The following SESN3 variants were observed in gnomAD, a reference collection of about 807,000 sequenced individuals.
SESN3 encodes the protein sestrin-3.
SESN3 carries 21 observed loss-of-function variants against 55.3 expected under a neutral mutation model. The observed-to-expected ratio is 0.38, with a 90% CI of 0.27 to 0.55. SESN3 has a LOEUF of 0.55. Among genes scored for constraint, SESN3 ranks in the 20% least tolerant of loss-of-function variants. The probability of loss-of-function intolerance (pLI) is 0.76; values close to 1 mark genes in which losing one functional copy is unlikely to be tolerated. For synonymous variants in SESN3, 181 were observed against 203.1 expected, an observed-to-expected ratio of 0.89 and a Z score of 0.93; for missense variants, 408 against 604.3, an observed-to-expected ratio of 0.68 and a Z score of 3.41.
At chr11:95,227,483 C>G (rs557389250) in intron 1 of SESN3, among the ~76,000 whole-genome samples, 1 of 152,106 alleles carries the variant, frequency 6.6e-6, no homozygotes, top group African/African-American at 2.4e-5. Context: ...GGATTACAGG[C>G]GTAAGCCACC....
At chr11:95,226,847 A>G (rs900835383) in intron 1 of SESN3, among the ~76,000 whole-genome samples, 3 of 152,232 alleles carry the variant, frequency 2.0e-5, no homozygotes, top group Non-Finnish European at 4.4e-5. Flanking sequence ...AAATAAGTTA[A>G]AACATACTTA....
chr11:95,174,699 C>G (rs1859922091), intron 9 of SESN3, among the ~76,000 whole-genome samples: 1 of 152,042 alleles, frequency 6.6e-6, no homozygotes, highest in African/African-American at 2.4e-5. Context: ...GTTGGCCTGG[C>G]TAGTTTTGAA....
At chr11:95,199,861 G>C (rs1591063004) in intron 1 of SESN3, among the ~76,000 whole-genome samples, 1 of 151,110 alleles carries the variant, frequency 6.6e-6, no homozygotes, top group East Asian at 1.9e-4. Flanking sequence ...TTTTTTTTAA[G>C]GAAAATCTGT....
chr11:95,179,297 G>GGT (rs1355204073), intron 6 of SESN3, among the ~76,000 whole-genome samples: 5 of 152,092 alleles, frequency 3.3e-5, no homozygotes, highest in Non-Finnish European at 5.9e-5. Flanking sequence ...TGGGACTACA[G>GGT]GTGTGTGCCA....
intron 7 of SESN3, 61 bp from the exon 8 acceptor site, chr11:95,177,970 T>A: frequency 8.8e-7 from 1 of 1,142,002 alleles, no homozygotes; most frequent in Non-Finnish European, 1.2e-6. Flanking sequence ...TTCTATGTAT[T>A]ATTAAATATA....
intron 1 of SESN3, among the ~76,000 whole-genome samples, chr11:95,212,726 G>A (rs771751431): frequency 4.6e-5 from 7 of 152,044 alleles, no homozygotes; most frequent in Non-Finnish European, 1.0e-4. Context: ...CTATAGATAG[G>A]CACAGTACCT....
intron 1 of SESN3, among the ~76,000 whole-genome samples, chr11:95,218,473 T>C (rs1456318140): frequency 1.3e-5 from 2 of 152,340 alleles, no homozygotes; most frequent in East Asian, 3.8e-4. Context: ...TCATATAGTA[T>C]TCAGTGATTT....
chr11:95,228,339 A>G (rs528189080), intron 1 of SESN3, among the ~76,000 whole-genome samples: 8 of 152,336 alleles, frequency 5.3e-5, no homozygotes, highest in African/African-American at 1.9e-4. Flanking sequence ...ATATAGAAAT[A>G]TAAAAGCAAA....
chr11:95,216,358 T>C (rs1860756620), intron 1 of SESN3, among the ~76,000 whole-genome samples: 1 of 152,196 alleles, frequency 6.6e-6, no homozygotes, highest in Non-Finnish European at 1.5e-5. Context: ...AGGTTAGGAC[T>C]GCTAGAGGAC....
intron 1 of SESN3, among the ~76,000 whole-genome samples, chr11:95,217,282 T>A (rs1229821823): frequency 1.3e-5 from 2 of 152,136 alleles, no homozygotes; most frequent in African/African-American, 4.8e-5. Context: ...CCATATGTAA[T>A]CATAAAACTG....
intron 5 of SESN3, 43 bp from the exon 6 acceptor site, chr11:95,184,637 AGT>A (rs1480332611): frequency 1.9e-6 from 3 of 1,557,956 alleles, no homozygotes; most frequent in Non-Finnish European, 2.6e-6. Flanking sequence ...TCATACTAAA[AGT>A]GTTCCAGTAA....
At chr11:95,207,032 G>C (rs903765557) in intron 1 of SESN3, among the ~76,000 whole-genome samples, 1 of 152,066 alleles carries the variant, frequency 6.6e-6, no homozygotes, top group African/African-American at 2.4e-5. Flanking sequence ...ACCCGCCTCA[G>C]CCTCCCAAAG....
intron 1 of SESN3, among the ~76,000 whole-genome samples, chr11:95,205,565 G>A (rs963208343): frequency 6.6e-6 from 1 of 152,064 alleles, no homozygotes; most frequent in African/African-American, 2.4e-5. Flanking sequence ...GATGAATAAT[G>A]GTGACACCAA....
At chr11:95,180,051 C>T (rs1860031242) in intron 6 of SESN3, among the ~76,000 whole-genome samples, 1 of 152,110 alleles carries the variant, frequency 6.6e-6, no homozygotes, top group South Asian at 2.1e-4. Context: ...AGGGAATGAA[C>T]AAGCTTCATT....
chr11:95,230,508 G>C lies in SESN3; in HGVS notation c.78+275C>G, dbSNP rs1384950024. ...CCGGGGTAGCAAGGTAGGGAAATGAGCCGTAAAGGAGAGCAAAGGCACCAA... is the reference window on the plus strand; with the variant it reads ...CCGGGGTAGCAAGGTAGGGAAATGACCCGTAAAGGAGAGCAAAGGCACCAA... On this transcript the variant is annotated intron_variant, in intron 1 of 9. Transcript: ENST00000536441. The surrounding 1 kb of genome is among the most constrained non-coding windows in gnomAD (Gnocchi z 4.6). 2 of 416,156 alleles carry C rather than the reference G, an allele frequency of 4.8e-6. No individual in the cohort carries two copies. The highest frequency in any genetic ancestry group is 4.3e-5 in the African/African-American group (2 of 46,460). The allele number at this position is 416,156 out of a possible 1,614,324, so 25.8% of individuals were successfully genotyped here.
intron 1 of SESN3, among the ~76,000 whole-genome samples, chr11:95,206,251 C>T (rs2134249869): frequency 6.6e-6 from 1 of 151,830 alleles, no homozygotes; most frequent in Admixed American, 6.6e-5. Flanking sequence ...TGATAACATA[C>T]TATTTCTATA....
chr11:95,207,937 G>T (rs148581613), intron 1 of SESN3, among the ~76,000 whole-genome samples: 1 of 151,306 alleles, frequency 6.6e-6, no homozygotes, highest in Non-Finnish European at 1.5e-5. Context: ...GCCTCCCACA[G>T]TGCTGGGATT....
rs1297515333 is a variant in SESN3 at position 95,169,926 on chromosome 11, T to C, written c.*3329A>G. 6.6e-6 allele frequency: 1 copy of C among 152,234 alleles called. No individual in the cohort carries two copies. The highest frequency in any genetic ancestry group is 1.5e-5 in the Non-Finnish European group (1 of 68,036). 9.4% of individuals were successfully genotyped at this position (152,234 alleles called of 1,614,324 possible). A position where few individuals can be genotyped will look rare whatever the true frequency, so the allele number is the denominator to read the frequency against. On this transcript the variant is annotated 3_prime_UTR_variant, in exon 10 of 10. Transcript: ENST00000536441. ...ATAGGATTCTTATATAAAACTTATATTGAGTTTTCTGTTGTAAAAACAGCC... is the reference window on the plus strand; with the variant it reads ...ATAGGATTCTTATATAAAACTTATACTGAGTTTTCTGTTGTAAAAACAGCC...
intron 8 of SESN3, among the ~76,000 whole-genome samples, chr11:95,176,161 C>G (rs1042597422): frequency 6.6e-6 from 1 of 152,130 alleles, no homozygotes; most frequent in African/African-American, 2.4e-5. Flanking sequence ...GAACTGACCA[C>G]TGGAAGTAGC....
Sources: gnomAD v4.1 joint callset for allele counts (sites outside exome capture counted in the v4.1 genomes callset) on GRCh38, gnomAD v4.1.1 for gene constraint, Gnocchi (gnomAD v3.1) non-coding constraint, MANE v1.5 for transcripts, NCBI Gene and HGNC (gene_info 2026-07-23, HGNC 2026-07-21) for gene names.